The following AARS1 variants were observed in gnomAD, a reference collection of about 807,000 sequenced individuals.
AARS1 encodes the protein alanyl-tRNA synthetase 1, also known as alanine--tRNA ligase, cytoplasmic.
AARS1 carries 72 observed loss-of-function variants against 108.9 expected under a neutral mutation model. That is an observed-to-expected ratio of 0.66 (90% CI 0.55 to 0.80). The LOEUF (loss-of-function observed/expected upper bound fraction) is 0.80, where lower values mean the gene tolerates loss of function less well. Ranked by LOEUF, AARS1 falls within the 30% of genes least tolerant of loss-of-function variation. The pLI, the probability that AARS1 is intolerant of heterozygous loss-of-function variation, is 0.00. For missense variants in AARS1, 1,193 were observed against 1,233.2 expected (o/e 0.97, Z 0.49); for synonymous variants, 489 against 465.7 (o/e 1.05, Z -0.64).
intron 4 of AARS1, chr16:70,276,213 C>G: frequency 4.9e-6 from 1 of 202,980 alleles, no homozygotes; most frequent in South Asian, 8.3e-5. Flanking sequence ...AGCTCTGTCT[C>G]AAAAAAATAA....
At chr16:70,254,532 G>C (rs764487596) in intron 17 of AARS1, 89 bp downstream of exon 17, 1 of 955,716 alleles carries the variant, frequency 1.0e-6, no homozygotes, top group Non-Finnish European at 1.7e-6. Flanking sequence ...CCAAGAACCA[G>C]GGCCTGACTG....
chr16:70,255,892 G>C (rs1269690366), intron 15 of AARS1, 56 bp from the exon 16 acceptor site: 5 of 1,522,412 alleles, frequency 3.3e-6, no homozygotes, highest in Non-Finnish European at 4.5e-6. Flanking sequence ...CCCTTGGCTG[G>C]GGGGTCACAC....
At chr16:70,274,480 C>A (rs972847217) in intron 4 of AARS1, among the ~76,000 whole-genome samples, 1 of 151,974 alleles carries the variant, frequency 6.6e-6, no homozygotes, top group African/African-American at 2.4e-5. Context: ...AATCCCAGCA[C>A]TTTGGGAGGC....
chr16:70,266,328 A>AAAAAAAATAAAT (rs1214037711), intron 9 of AARS1, among the ~76,000 whole-genome samples: 3 of 146,904 alleles, frequency 2.0e-5, no homozygotes, highest in Non-Finnish European at 4.5e-5. Flanking sequence ...ATAAAAAATA[A>AAAAAAAATAAAT]AAAAAAATAA....
chr16:70,277,570 C>A (rs1288646764), intron 2 of AARS1, among the ~76,000 whole-genome samples: 1 of 152,122 alleles, frequency 6.6e-6, no homozygotes, highest in Non-Finnish European at 1.5e-5. Context: ...AAAACTGACA[C>A]ATATTAAGGG....
chr16:70,288,913 A>G (rs770748325), intron 1 of AARS1, among the ~76,000 whole-genome samples: 6 of 152,078 alleles, frequency 3.9e-5, no homozygotes, highest in Non-Finnish European at 8.8e-5. Context: ...GTGGCTGCTA[A>G]ATACGTATTT....
At chr16:70,273,863 C>CAAAAAAA (rs71385651) in intron 4 of AARS1, among the ~76,000 whole-genome samples, 1 of 54,262 alleles carries the variant, frequency 1.8e-5, no homozygotes, top group African/African-American at 8.8e-5. Flanking sequence ...ACTCCGTCTC[C>CAAAAAAA]AAAAAAAAAA....
At chr16:70,277,900 G>A (rs192177066) in intron 2 of AARS1, among the ~76,000 whole-genome samples, 1 of 151,812 alleles carries the variant, frequency 6.6e-6, no homozygotes, top group African/African-American at 2.4e-5. Context: ...TTACAGGCAC[G>A]TACAGGTACA....
Position 70,261,033 on chromosome 16 carries a change from AC to A in AARS1, c.1785+10del. 1.2e-6 allele frequency: 2 copies of A among 1,600,726 alleles called. No homozygotes were observed. The highest frequency in any genetic ancestry group is 1.7e-6 in the Non-Finnish European group (2 of 1,168,268). ...ACCAGATCCAATGGGGGCCACAGTA[AC>A]CCAACTCACCTCATCAATAAACAGC... On this transcript the variant is annotated intron_variant, in intron 13 of 20. Coordinates refer to ENST00000261772, the MANE Select transcript of AARS1 (RefSeq NM_001605.3).
chr16:70,287,234 G>T (rs1272516582), intron 1 of AARS1, among the ~76,000 whole-genome samples: 3 of 108,578 alleles, frequency 2.8e-5, no homozygotes, highest in Non-Finnish European at 5.3e-5. Context: ...CAGCCTGGGC[G>T]ACAGAGCGAG....
At chr16:70,254,420 C>T (rs1220124228) in intron 17 of AARS1, 1 of 621,342 alleles carries the variant, frequency 1.6e-6, no homozygotes, top group Admixed American at 2.4e-5. Flanking sequence ...CTGCTAGCAG[C>T]ACTGGGAGCA....
At chr16:70,253,168 G>T in intron 20 of AARS1, 100 bp downstream of exon 20, 1 of 1,073,974 alleles carries the variant, frequency 9.3e-7, no homozygotes, top group Non-Finnish European at 1.4e-6. Context: ...TAACCAACCG[G>T]TGGGCAGAAA....
rs148355156 is a variant in AARS1 at position 70,261,144 on chromosome 16, G to A, written c.1685C>T (p.Thr562Ile). ...DDSSEDKTEF[T>I]VKNAQVRGGY... ...TCCTCGGACCTGAGCATTCTTCACT[G>A]TAAACTCTGTTTTCTAAGAGGGGTC... Residue 562 changes from threonine to isoleucine, a missense_variant, in exon 13 of 21, where the codon ACA (threonine) becomes ATA (isoleucine). By Grantham distance (89) the Thr-to-Ile change is moderately conservative. Transcript: ENST00000261772. 8.3e-3 allele frequency: 13,379 copies of A among 1,612,750 alleles called. 92 individuals carry two copies. The highest frequency in any genetic ancestry group is 0.01 in the Non-Finnish European group (11,946 of 1,178,998).
Position 70,267,947 on chromosome 16 carries a change from T to C in AARS1, c.1072-138A>G. 3 of 1,227,762 alleles carry C rather than the reference T, an allele frequency of 2.4e-6. No individual in the cohort carries two copies. The South Asian group carries it at 3.8e-5, about 16-fold the overall frequency. 76.1% of individuals were successfully genotyped at this position (1,227,762 alleles called of 1,614,324 possible). On this transcript the variant is annotated intron_variant, in intron 8 of 20. Transcript: ENST00000261772. ...CTTTGGGAAGCCGAGGCAGGTGGAT[T>C]GCCTGAGCTCAGGAGTTCAAGACCA...
rs1156564955 is a variant in AARS1 at position 70,264,822 on chromosome 16, G to A, written c.1492+136C>T. On this transcript the variant is annotated intron_variant, in intron 11 of 20. Coordinates refer to ENST00000261772, the MANE Select transcript of AARS1 (RefSeq NM_001605.3). ...CAAGGGTGCCTATGTGTATAAAAGT[G>A]CATAGCGTGACTGTACGGCACTCCA... 5 of 1,045,216 alleles carry A rather than the reference G, an allele frequency of 4.8e-6. No homozygotes were observed. In the East Asian group the frequency reaches 1.3e-4, roughly 27 times the overall value. 64.7% of individuals were successfully genotyped at this position (1,045,216 alleles called of 1,614,324 possible).
chr16:70,275,039 C>G (rs1021863682), intron 4 of AARS1, among the ~76,000 whole-genome samples: 2 of 151,900 alleles, frequency 1.3e-5, no homozygotes, highest in African/African-American at 2.4e-5. Flanking sequence ...GCGGGTGGAT[C>G]ACCTGAAGTC....
intron 16 of AARS1, 114 bp from the exon 17 acceptor site, chr16:70,254,848 C>A: frequency 1.4e-6 from 1 of 720,716 alleles, no homozygotes; most frequent in Non-Finnish European, 2.5e-6. Context: ...CATACCCCAA[C>A]ACCCCAAAAG....
intron 5 of AARS1, among the ~76,000 whole-genome samples, chr16:70,271,547 A>C (rs1960403022): frequency 6.6e-6 from 1 of 152,078 alleles, no homozygotes; most frequent in South Asian, 2.1e-4. Flanking sequence ...AAAAAAAAAA[A>C]ACAGCAGCCC....
chr16:70,289,402 C>T lies in AARS1; in HGVS notation c.-22+19G>A, dbSNP rs899186814. 6 of 378,828 alleles carry T rather than the reference C, an allele frequency of 1.6e-5. No homozygotes were observed. Among genetic ancestry groups the T allele is most frequent in the Admixed American group, 6.3e-5 (2 of 31,900 alleles). 23.5% of individuals were successfully genotyped at this position (378,828 alleles called of 1,614,324 possible). On this transcript the variant is annotated intron_variant, in intron 1 of 20. Coordinates refer to ENST00000261772, the MANE Select transcript of AARS1 (RefSeq NM_001605.3). ...CAGCCGCTCTCCTAGCACCGCAGAG[C>T]TCTCCGAGGGCGGCCTACCTCTCCT...
Sources: allele counts gnomAD v4.1 joint callset (sites outside exome capture counted in the v4.1 genomes callset), GRCh38; gene constraint gnomAD v4.1.1; transcripts MANE v1.5; gene names NCBI Gene and HGNC (gene_info 2026-07-23, HGNC 2026-07-21).